The following YWHAE variants were observed in gnomAD, a reference collection of about 807,000 sequenced individuals.
YWHAE encodes the protein tyrosine 3-monooxygenase/tryptophan 5-monooxygenase activation protein epsilon.
YWHAE carries 4 observed loss-of-function variants against 30.1 expected under a neutral mutation model. The ratio of observed to expected loss-of-function variants is 0.13; its 90% CI spans 0.07 to 0.30. The LOEUF is 0.30. Among genes scored for constraint, YWHAE ranks in the 10% least tolerant of loss-of-function variants. The pLI, the probability that YWHAE is intolerant of heterozygous loss-of-function variation, is 1.00. For missense variants in YWHAE, 121 were observed against 315.9 expected (o/e 0.38, Z 4.68); for synonymous variants, 118 against 111.8 (o/e 1.06, Z -0.35).
chr17:1,370,158 C>G lies in YWHAE; in HGVS notation c.65-5100G>C, dbSNP rs532000851. Among the ~76,000 whole-genome samples, 10 of 127,488 alleles carry G rather than the reference C, an allele frequency of 7.8e-5. No homozygotes were observed. In the Admixed American group the frequency reaches 9.2e-4, roughly 12 times the overall value. 83.6% of individuals were successfully genotyped at this position (127,488 alleles called of 152,430 possible). On this transcript the variant is annotated intron_variant, in intron 1 of 5. Coordinates refer to ENST00000264335, the MANE Select transcript of YWHAE (RefSeq NM_006761.5). ...TTTTTTTTTTTTTGAGACGGAGTCTCGCTCTGTCACCAGGCTGGAGTGCCT... is the reference window on the plus strand; with the variant it reads ...TTTTTTTTTTTTTGAGACGGAGTCTGGCTCTGTCACCAGGCTGGAGTGCCT...
At chr17:1,348,979 T>C (rs569744728) in intron 5 of YWHAE, among the ~76,000 whole-genome samples, 2 of 148,912 alleles carry the variant, frequency 1.3e-5, no homozygotes, top group South Asian at 2.1e-4. Flanking sequence ...TGAGCCAAGA[T>C]AGCACCACTG....
chr17:1,359,812 TTGTGTGTG>T (rs59650315), intron 4 of YWHAE, among the ~76,000 whole-genome samples: 1,368 of 130,670 alleles, frequency 0.01, 10 homozygotes, highest in South Asian at 0.037. Context: ...CACTAAATTG[TTGTGTGTG>T]TGTGTGTGTG....
intron 5 of YWHAE, among the ~76,000 whole-genome samples, chr17:1,353,395 G>C (rs1191598278): frequency 1.5e-5 from 2 of 137,556 alleles, no homozygotes; most frequent in African/African-American, 5.7e-5. Flanking sequence ...CCAAGATCGC[G>C]CCACTGCACT....
intron 4 of YWHAE, among the ~76,000 whole-genome samples, chr17:1,355,134 A>C (rs1241707235): frequency 1.8e-5 from 2 of 108,948 alleles, no homozygotes; most frequent in African/African-American, 3.0e-5. Context: ...AAAAAAAAAA[A>C]AAAAAAAAAA....
intron 1 of YWHAE, chr17:1,399,771 C>G: frequency 2.5e-6 from 1 of 397,138 alleles, no homozygotes; most frequent in Admixed American, 4.2e-5. Context: ...GACTCGCCCT[C>G]CCCCCAGCCG....
At chr17:1,395,580 AAAAT>A (rs1324334623) in intron 1 of YWHAE, among the ~76,000 whole-genome samples, 1 of 152,232 alleles carries the variant, frequency 6.6e-6, no homozygotes, top group Non-Finnish European at 1.5e-5. Context: ...AAGAAGGAGA[AAAAT>A]AAACTTTACT....
chr17:1,377,163 C>A (rs539556929), intron 1 of YWHAE, among the ~76,000 whole-genome samples: 1 of 152,154 alleles, frequency 6.6e-6, no homozygotes, highest in East Asian at 1.9e-4. Flanking sequence ...ATCCACCTGC[C>A]TCGGCCTCCC....
At chr17:1,363,329 G>A (rs1598241182) in intron 2 of YWHAE, among the ~76,000 whole-genome samples, 2 of 152,160 alleles carry the variant, frequency 1.3e-5, no homozygotes, top group Admixed American at 6.6e-5. Flanking sequence ...GCAGTGGCTC[G>A]ACGTTGGCTC....
intron 5 of YWHAE, among the ~76,000 whole-genome samples, chr17:1,350,005 T>G (rs143231797): frequency 2.4e-4 from 36 of 148,504 alleles, no homozygotes; most frequent in South Asian, 4.3e-4. Context: ...CAGGCTGGAG[T>G]GCAACGGCGC....
At chr17:1,388,261 A>C (rs1009272595) in intron 1 of YWHAE, among the ~76,000 whole-genome samples, 6 of 149,544 alleles carry the variant, frequency 4.0e-5, no homozygotes, top group African/African-American at 1.2e-4. Context: ...TCACGCCTGT[A>C]ATCCCAGCAC....
At chr17:1,360,988 G>T in intron 4 of YWHAE, 104 bp downstream of exon 4, 1 of 1,047,638 alleles carries the variant, frequency 9.5e-7, no homozygotes, top group African/African-American at 1.6e-5. Context: ...GAATTACTAT[G>T]CAGCCAAGTC....
chr17:1,349,737 C>G (rs1250386644), intron 5 of YWHAE, among the ~76,000 whole-genome samples: 1 of 151,912 alleles, frequency 6.6e-6, no homozygotes, highest in Non-Finnish European at 1.5e-5. Context: ...CTCAGCCTCC[C>G]AAGTAAATGG....
chr17:1,373,965 T>C (rs1371347390), intron 1 of YWHAE, among the ~76,000 whole-genome samples: 1 of 152,146 alleles, frequency 6.6e-6, no homozygotes, highest in East Asian at 1.9e-4. Flanking sequence ...TCAAGTTTCA[T>C]GCCTAGTGTA....
intron 4 of YWHAE, among the ~76,000 whole-genome samples, chr17:1,355,353 G>A (rs1245036077): frequency 1.3e-5 from 2 of 150,902 alleles, no homozygotes; most frequent in African/African-American, 4.9e-5. Flanking sequence ...CAGAGGCAGG[G>A]TTTCACCGTG....
rs144442661 is a variant in YWHAE at position 1,374,857 on chromosome 17, T to A, written c.65-9799A>T. Reference sequence around the variant, plus strand: ...CTTAATTCCCCCAACCCCCTCTGCATCCCTTAAGGTAGCAGATTAAGGAAC... The same window carrying A: ...CTTAATTCCCCCAACCCCCTCTGCAACCCTTAAGGTAGCAGATTAAGGAAC... On this transcript the variant is annotated intron_variant, in intron 1 of 5. Transcript: ENST00000264335. Among the ~76,000 whole-genome samples the A allele has an allele frequency of 2.3e-4, 35 of 152,254 alleles. No individual in the cohort carries two copies. In the South Asian group the frequency reaches 7.3e-3, roughly 32 times the overall value.
In YWHAE at chr17:1,351,187, C is replaced by T. The variant is rs143575243; in HGVS notation, c.715+3024G>A. Among the ~76,000 whole-genome samples, 247 of 152,062 alleles carry T rather than the reference C, an allele frequency of 1.6e-3. 1 individual carries two copies. The highest frequency in any genetic ancestry group is 5.6e-3 in the African/African-American group (233 of 41,492). On this transcript the variant is annotated intron_variant, in intron 5 of 5. Coordinates refer to ENST00000264335, the MANE Select transcript of YWHAE (RefSeq NM_006761.5). Reference sequence around the variant, plus strand: ...CAGCCTGGCCAACATAGTGGAACCCCGTCTCTATTAAAAATACAAAAAATT... The same window carrying T: ...CAGCCTGGCCAACATAGTGGAACCCTGTCTCTATTAAAAATACAAAAAATT...
chr17:1,396,923 CTTTT>C, intron 1 of YWHAE, among the ~76,000 whole-genome samples: 1 of 137,432 alleles, frequency 7.3e-6, no homozygotes, highest in Admixed American at 7.3e-5. Flanking sequence ...CACCTGGCCT[CTTTT>C]TTTTTTTTTT....
chr17:1,386,322 C>T (rs1196783123), intron 1 of YWHAE, among the ~76,000 whole-genome samples: 1 of 152,154 alleles, frequency 6.6e-6, no homozygotes, highest in African/African-American at 2.4e-5. Flanking sequence ...ATACCAGACA[C>T]CATTGGTGCT....
At chr17:1,372,123 C>A (rs947041324) in intron 1 of YWHAE, among the ~76,000 whole-genome samples, 1 of 152,228 alleles carries the variant, frequency 6.6e-6, no homozygotes, top group Admixed American at 6.5e-5. Context: ...CAGGCGTGAG[C>A]CACCGCGCTC....
Sources: allele counts gnomAD v4.1 joint callset (sites outside exome capture counted in the v4.1 genomes callset), GRCh38; gene constraint gnomAD v4.1.1; transcripts MANE v1.5; gene names NCBI Gene and HGNC (gene_info 2026-07-23, HGNC 2026-07-21).